The following TTC3 variants were observed in gnomAD, a reference collection of about 807,000 sequenced individuals.
The protein encoded by TTC3 is tetratricopeptide repeat domain 3.
In TTC3, 180 loss-of-function variants were observed where a neutral mutation model predicts 249.6. That is an observed-to-expected ratio of 0.72 (90% CI 0.64 to 0.82). The LOEUF (loss-of-function observed/expected upper bound fraction) is 0.82. TTC3 is among the 40% of genes least tolerant of loss of function. The pLI is 0.00. For synonymous variants in TTC3, 717 were observed against 805.0 expected (o/e 0.89, Z 1.85); for missense variants, 2,061 against 2,398.4 (o/e 0.86, Z 2.94).
At chr21:37,196,140 G>T in intron 42 of TTC3, 104 bp downstream of exon 42, 2 of 1,446,034 alleles carry the variant, frequency 1.4e-6, no homozygotes, top group South Asian at 1.4e-5. Context: ...GAAAAGGGTT[G>T]CATAATTGTT....
At chr21:37,084,925 G>C (rs535358291) in intron 1 of TTC3, among the ~76,000 whole-genome samples, 37 of 152,162 alleles carry the variant, frequency 2.4e-4, no homozygotes, top group Non-Finnish European at 4.7e-4. Flanking sequence ...CCCGGGAAGT[G>C]GAGGTTGCAG....
In TTC3 at chr21:37,197,592, A is replaced by T. The variant is rs750607839; in HGVS notation, c.5602A>T (p.Lys1868Ter). The T allele has an allele frequency of 1.7e-5, 27 of 1,611,686 alleles. No individual in the cohort carries two copies. The highest frequency in any genetic ancestry group is 6.7e-5 in the East Asian group (3 of 44,852). ...CAGCACTGAGCTTGCTGGTTTTATTAAAAAAGTGCGAAGCAAAAACAAGAA... is the reference window on the plus strand; with the variant it reads ...CAGCACTGAGCTTGCTGGTTTTATTTAAAAAGTGCGAAGCAAAAACAAGAA... The change falls in exon 43 of 46, where the codon AAA becomes TAA. Residue 1868 changes from lysine to a stop codon, truncating the protein, a stop_gained. Coordinates refer to ENST00000355666, the Ensembl canonical transcript of TTC3. LOFTEE classifies it high-confidence loss of function.
chr21:37,159,565 C>A, intron 28 of TTC3, 134 bp from the exon 29 acceptor site: 1 of 999,922 alleles, frequency 1.0e-6, no homozygotes, highest in Non-Finnish European at 1.4e-6. Flanking sequence ...CTAAACTACA[C>A]TTGTGTCAAA....
intron 35 of TTC3, among the ~76,000 whole-genome samples, chr21:37,180,861 ATATT>A (rs2082699019): frequency 6.6e-6 from 1 of 151,980 alleles, no homozygotes; most frequent in Admixed American, 6.5e-5. Context: ...AAAAAATTAA[ATATT>A]TATGTATATA....
intron 18 of TTC3, among the ~76,000 whole-genome samples, chr21:37,138,006 G>A (rs11909007): frequency 5.6e-4 from 85 of 152,194 alleles, no homozygotes; most frequent in African/African-American, 2.0e-3. Context: ...ACGTTCTTCT[G>A]CACATGTATC....
intron 3 of TTC3, 75 bp downstream of exon 3, chr21:37,087,950 A>G: frequency 8.6e-7 from 1 of 1,166,084 alleles, no homozygotes; most frequent in Non-Finnish European, 1.2e-6. Flanking sequence ...TGTCATAGCA[A>G]TACAACAGAT....
chr21:37,144,634 C>G lies in TTC3; in HGVS notation c.1882C>G (p.Gln628Glu). 10 of 1,605,164 alleles carry G rather than the reference C, an allele frequency of 6.2e-6. No individual in the cohort carries two copies. Among genetic ancestry groups the G allele is most frequent in the African/African-American group, 1.3e-5 (1 of 74,522 alleles). ...TGTGATTATTGAAGAGTCTCAGCCA[C>G]AAAAAATAAAGGTAACCATTTATTT... Residue 628 changes from glutamine to glutamate, a missense_variant, in exon 21 of 46, where the codon CAA (glutamine) becomes GAA (glutamate). Gln to Glu is a conservative substitution (Grantham distance 29). This residue lies in a region of TTC3 where 989 missense variants were observed against 1,145.1 expected (regional missense o/e 0.86). Coordinates refer to ENST00000355666, the Ensembl canonical transcript of TTC3.
At chr21:37,152,150 T>C in intron 26 of TTC3, 121 bp downstream of exon 26, 1 of 1,142,410 alleles carries the variant, frequency 8.8e-7, no homozygotes, top group Non-Finnish European at 1.2e-6. Context: ...CACTTAGTAA[T>C]TTAATACTAT....
intron 18 of TTC3, 37 bp downstream of exon 18, chr21:37,135,551 A>G (rs1348323549): frequency 1.9e-6 from 3 of 1,598,958 alleles, no homozygotes; most frequent in Non-Finnish European, 2.6e-6. Context: ...TATCAATGCT[A>G]ATGCACCTCA....
exon 13 of TTC3, chr21:37,122,983 G>T (rs746350546): frequency 5.0e-6 from 8 of 1,613,902 alleles, no homozygotes; most frequent in Non-Finnish European, 6.8e-6. Context: ...ACTTTTATAG[G>T]TCGAACAGCA....
intron 11 of TTC3, among the ~76,000 whole-genome samples, chr21:37,118,004 T>C (rs73407968): frequency 0.078 from 11,807 of 152,082 alleles, 1,220 homozygotes; most frequent in African/African-American, 0.22. Flanking sequence ...ATACTCTCTT[T>C]TGTTGCCTTG....
At chr21:37,195,207 G>C (rs1438293263) in intron 41 of TTC3, among the ~76,000 whole-genome samples, 2 of 152,206 alleles carry the variant, frequency 1.3e-5, no homozygotes, top group Non-Finnish European at 2.9e-5. Context: ...CAGCTGCATG[G>C]GGAGGAGTGT....
At chr21:37,132,097 A>G (rs983302309) in intron 16 of TTC3, among the ~76,000 whole-genome samples, 5 of 152,066 alleles carry the variant, frequency 3.3e-5, no homozygotes, top group African/African-American at 4.8e-5. Flanking sequence ...CTTTATAATC[A>G]ATTCATCTGG....
intron 9 of TTC3, among the ~76,000 whole-genome samples, chr21:37,096,326 C>G (rs2073939453): frequency 6.6e-6 from 1 of 152,158 alleles, no homozygotes; most frequent in Admixed American, 6.5e-5. Context: ...CCCAACAGCC[C>G]TATGAGTTAG....
exon 11 of TTC3, chr21:37,108,421 C>T (rs1363722721): frequency 2.5e-6 from 4 of 1,612,398 alleles, no homozygotes; most frequent in Non-Finnish European, 3.4e-6. Context: ...AAGAGAGCCA[C>T]TATTCTGAAG....
At chr21:37,171,751 A>G (rs1276957446) in intron 34 of TTC3, among the ~76,000 whole-genome samples, 1 of 152,248 alleles carries the variant, frequency 6.6e-6, no homozygotes, top group African/African-American at 2.4e-5. Context: ...GCAAAAGGGC[A>G]TGTATGGTCA....
chr21:37,170,309 T>G (rs2081644595), intron 34 of TTC3, among the ~76,000 whole-genome samples: 1 of 152,112 alleles, frequency 6.6e-6, no homozygotes, highest in Admixed American at 6.5e-5. Flanking sequence ...GTCACAAAGA[T>G]GAGAATGGAT....
chr21:37,199,846 A>G (rs2085314190), intron 44 of TTC3, among the ~76,000 whole-genome samples: 1 of 152,162 alleles, frequency 6.6e-6, no homozygotes, highest in Admixed American at 6.5e-5. Flanking sequence ...TTTTGGCTAC[A>G]CAATAGCCCA....
chr21:37,148,121 C>G (rs2079142029), intron 22 of TTC3, among the ~76,000 whole-genome samples: 1 of 152,166 alleles, frequency 6.6e-6, no homozygotes. Flanking sequence ...AGAAGGCAGG[C>G]TGGCTCATTC....
Sources: allele counts gnomAD v4.1 joint callset (sites outside exome capture counted in the v4.1 genomes callset), GRCh38; gene constraint gnomAD v4.1.1; regional missense constraint gnomAD v4.1.1; transcripts MANE v1.5; gene names NCBI Gene and HGNC (gene_info 2026-07-23, HGNC 2026-07-21).